Variants in CNTNAP5 observed in about 807,000 individuals in gnomAD.
The protein encoded by CNTNAP5 is contactin-associated protein-like 5.
In CNTNAP5, 72 loss-of-function variants were observed where a neutral mutation model predicts 150.2. That is an observed-to-expected ratio of 0.48 (90% CI 0.40 to 0.58). The LOEUF (loss-of-function observed/expected upper bound fraction) is 0.58. Among genes scored for constraint, CNTNAP5 ranks in the 20% least tolerant of loss-of-function variants. The probability of loss-of-function intolerance (pLI) is 0.00; values close to 1 mark genes in which losing one functional copy is unlikely to be tolerated. For missense variants in CNTNAP5, 1,636 were observed against 1,626.2 expected, an observed-to-expected ratio of 1.01 and a Z score of -0.10; for synonymous variants, 672 against 619.8, an observed-to-expected ratio of 1.08 and a Z score of -1.25.
intron 5 of CNTNAP5, among the ~76,000 whole-genome samples, chr2:124,440,661 A>G (rs1692650812): frequency 6.6e-6 from 1 of 152,140 alleles, no homozygotes; most frequent in Non-Finnish European, 1.5e-5. Context: ...TCCTATAAAA[A>G]TTGTTATATT....
intron 3 of CNTNAP5, among the ~76,000 whole-genome samples, chr2:124,416,095 C>T (rs988297266): frequency 6.6e-6 from 1 of 151,726 alleles, no homozygotes; most frequent in Non-Finnish European, 1.5e-5. Flanking sequence ...AATTACATTT[C>T]AGGGAGGGGA....
At chr2:124,666,129 A>C (rs920177362) in intron 13 of CNTNAP5, among the ~76,000 whole-genome samples, 6 of 152,310 alleles carry the variant, frequency 3.9e-5, no homozygotes, top group African/African-American at 1.4e-4. Context: ...GTTGGGTTAC[A>C]GTTTGGTTTT....
chr2:124,413,933 A>G (rs1209630487), intron 3 of CNTNAP5, among the ~76,000 whole-genome samples: 1 of 151,944 alleles, frequency 6.6e-6, no homozygotes, highest in Non-Finnish European at 1.5e-5. Context: ...GAATAGCCTT[A>G]ACCTGTGCTT....
intron 19 of CNTNAP5, among the ~76,000 whole-genome samples, chr2:124,836,290 T>C (rs1022444819): frequency 1.4e-4 from 21 of 152,134 alleles, no homozygotes; most frequent in African/African-American, 5.1e-4. Context: ...CAGTTGCATA[T>C]TATTAGTAGT....
intron 10 of CNTNAP5, among the ~76,000 whole-genome samples, chr2:124,541,184 T>TTTTTTTTTTTTTTTTTTTTTTG (rs1695375280): frequency 6.8e-6 from 1 of 146,802 alleles, no homozygotes; most frequent in Non-Finnish European, 1.5e-5. Flanking sequence ...TTCCGATTTT[T>TTTTTTTTTTTTTTTTTTTTTTG]TTTTTTTTTT....
intron 13 of CNTNAP5, among the ~76,000 whole-genome samples, chr2:124,668,875 A>T (rs1458714495): frequency 1.3e-5 from 2 of 152,154 alleles, no homozygotes; most frequent in Non-Finnish European, 2.9e-5. Context: ...GAAGGTTAGG[A>T]AGTGCTAGGG....
At chr2:124,452,555 G>A (rs1693012414) in intron 6 of CNTNAP5, among the ~76,000 whole-genome samples, 1 of 152,152 alleles carries the variant, frequency 6.6e-6, no homozygotes, top group African/African-American at 2.4e-5. Flanking sequence ...ATGCTTTCTT[G>A]AAAATGCCAG....
Position 124,918,746 on chromosome 2 carries a change from T to G in CNTNAP5, c.*4458T>G, listed in dbSNP as rs542280540. Among the ~76,000 whole-genome samples the G allele has an allele frequency of 2.1e-4, 32 of 152,194 alleles. No individual in the cohort carries two copies. In the East Asian group the frequency reaches 6.0e-3, roughly 29 times the overall value. On this transcript the variant is annotated 3_prime_UTR_variant, in exon 24 of 24. Transcript: ENST00000682447. ...GTCATTCTTCCTTAATGAAAAGGCT[T>G]GGACATACTTAGTCCTCAATTATCC... is the stretch of plus-strand genomic sequence containing the variant.
rs143808662 is a variant in CNTNAP5 at position 124,558,642 on chromosome 2, A to G, written c.1650-4575A>G. 4.1e-3 allele frequency among the ~76,000 whole-genome samples: 626 copies of G among 152,316 alleles called. 3 individuals carry two copies. The highest frequency in any genetic ancestry group is 7.1e-3 in the Non-Finnish European group (483 of 68,024). On this transcript the variant is annotated intron_variant, in intron 10 of 23. Coordinates refer to ENST00000682447, the MANE Select transcript of CNTNAP5 (RefSeq NM_001367498.1). ...CTTCTGTGAAACTTTACAAATTAAA[A>G]ACAAACTGCCAGACTGCATTTCCCT...
At chr2:124,600,626 G>A (rs189103481) in intron 11 of CNTNAP5, among the ~76,000 whole-genome samples, 2 of 152,142 alleles carry the variant, frequency 1.3e-5, no homozygotes, top group East Asian at 3.9e-4. Context: ...TGTAGTTCCA[G>A]TTTGGCTTAA....
At chr2:124,639,992 C>A (rs1197085850) in intron 12 of CNTNAP5, among the ~76,000 whole-genome samples, 1 of 152,116 alleles carries the variant, frequency 6.6e-6, no homozygotes, top group African/African-American at 2.4e-5. Context: ...AGGCAGTCTG[C>A]CTTCCTAGAA....
intron 3 of CNTNAP5, among the ~76,000 whole-genome samples, chr2:124,304,654 C>T (rs988949709): frequency 6.6e-6 from 1 of 152,048 alleles, no homozygotes; most frequent in South Asian, 2.1e-4. Flanking sequence ...GAGACAAGAA[C>T]AGTGATGAGA....
At chr2:124,880,173 G>A (rs1476069130) in intron 21 of CNTNAP5, among the ~76,000 whole-genome samples, 1 of 152,066 alleles carries the variant, frequency 6.6e-6, no homozygotes, top group African/African-American at 2.4e-5. Context: ...CTGTCACTTA[G>A]GAATGATTGT....
At chr2:124,105,037 A>AAAG (rs879909323) in intron 1 of CNTNAP5, among the ~76,000 whole-genome samples, 13,900 of 151,894 alleles carry the variant, frequency 0.092, 767 homozygotes, top group Non-Finnish European at 0.13. Context: ...GAGCTGCTCT[A>AAAG]CACATATATA....
At chr2:124,086,343 G>A (rs1379933357) in intron 1 of CNTNAP5, among the ~76,000 whole-genome samples, 2 of 151,126 alleles carry the variant, frequency 1.3e-5, no homozygotes, top group South Asian at 2.1e-4. Flanking sequence ...AGCTGGGACT[G>A]CAGGTGCCTG....
At chr2:124,656,428 A>T (rs62171284) in intron 13 of CNTNAP5, among the ~76,000 whole-genome samples, 9,150 of 152,300 alleles carry the variant, frequency 0.06, 419 homozygotes, top group Non-Finnish European at 0.085. Flanking sequence ...AAATAAAGAG[A>T]TCATCACATG....
intron 3 of CNTNAP5, among the ~76,000 whole-genome samples, chr2:124,402,562 T>C (rs1245843475): frequency 6.6e-6 from 1 of 152,146 alleles, no homozygotes; most frequent in Non-Finnish European, 1.5e-5. Context: ...GTGTTGTTTC[T>C]CTAATCTGGA....
chr2:124,777,967 T>C (rs569946505), intron 17 of CNTNAP5, among the ~76,000 whole-genome samples: 1 of 152,254 alleles, frequency 6.6e-6, no homozygotes, highest in South Asian at 2.1e-4. Context: ...CACTTCCACT[T>C]GTCAACATTT....
At chr2:124,475,154 G>A (rs1693611153) in intron 7 of CNTNAP5, among the ~76,000 whole-genome samples, 1 of 151,504 alleles carries the variant, frequency 6.6e-6, no homozygotes, top group South Asian at 2.1e-4. Flanking sequence ...GGTAGTATTT[G>A]CAGTCTATAT....
Sources: allele counts gnomAD v4.1 joint callset (sites outside exome capture counted in the v4.1 genomes callset), GRCh38; gene constraint gnomAD v4.1.1; transcripts MANE v1.5; gene names NCBI Gene and HGNC (gene_info 2026-07-23, HGNC 2026-07-21).